Variants in TENM4 observed in about 807,000 individuals in gnomAD.
TENM4 encodes the protein teneurin-4.
In TENM4, 82 loss-of-function variants were observed where a neutral mutation model predicts 243.3. The observed-to-expected ratio is 0.34, with a 90% CI of 0.28 to 0.40. TENM4 has a LOEUF of 0.40. TENM4 is among the 10% of genes least tolerant of loss of function. TENM4 has a pLI of 1.00. For synonymous variants in TENM4, 1,412 were observed against 1,456.3 expected, an observed-to-expected ratio of 0.97 and a Z score of 0.69; for missense variants, 3,138 against 3,673.3, an observed-to-expected ratio of 0.85 and a Z score of 3.77.
In TENM4 at chr11:78,863,132, G is replaced by C. The variant is rs775673267; in HGVS notation, c.1085C>G (p.Ala362Gly). ...CCAGTTTAGGCCAAACAGGTGCATG[G>C]CTGTGGTGAGCAATGAGAAAAGTCA... ...TLVILLAYFV[A>G]MHLFGLNWHL... The change falls in exon 10 of 34, where the codon GCC becomes GGC. Residue 362 changes from alanine to glycine, a missense_variant and splice_region_variant. Transcript: ENST00000278550. 16 of 1,493,690 alleles carry C rather than the reference G, an allele frequency of 1.1e-5. No individual in the cohort carries two copies. The highest frequency in any genetic ancestry group is 1.4e-5 in the Non-Finnish European group (16 of 1,106,234). 92.5% of individuals were successfully genotyped at this position (1,493,690 alleles called of 1,614,324 possible). A position where few individuals can be genotyped will look rare whatever the true frequency, so the allele number is the denominator to read the frequency against.
intron 4 of TENM4, among the ~76,000 whole-genome samples, chr11:79,104,741 A>G (rs1269317995): frequency 6.6e-6 from 1 of 152,224 alleles, no homozygotes; most frequent in Non-Finnish European, 1.5e-5. Flanking sequence ...GTCAAAGAGT[A>G]TGTGATATTA....
chr11:79,037,938 C>T lies in TENM4; in HGVS notation c.493+26800G>A, dbSNP rs564416287. On this transcript the variant is annotated intron_variant, in intron 6 of 33. Coordinates refer to ENST00000278550, the MANE Select transcript of TENM4 (RefSeq NM_001098816.3). ...TCCTATTGTGGAACAGAGAGAAGGG[C>T]TTGCACTCAGAACCAATGCTTGACA... Among the ~76,000 whole-genome samples the T allele has an allele frequency of 3.3e-5, 5 of 152,272 alleles. No individual in the cohort carries two copies. In the East Asian group the frequency reaches 9.7e-4, roughly 29 times the overall value.
chr11:78,895,672 C>T (rs1043945226), intron 7 of TENM4, among the ~76,000 whole-genome samples: 17 of 152,216 alleles, frequency 1.1e-4, no homozygotes, highest in Non-Finnish European at 2.4e-4. Context: ...CACGCAGGGT[C>T]TCCTGCTCAC....
intron 6 of TENM4, among the ~76,000 whole-genome samples, chr11:78,939,204 C>T (rs542189062): frequency 1.3e-5 from 2 of 152,294 alleles, no homozygotes; most frequent in East Asian, 1.9e-4. Flanking sequence ...CTCAGTCTCC[C>T]GAGGAACACT....
At chr11:79,233,608 C>T (rs986567209) in intron 2 of TENM4, among the ~76,000 whole-genome samples, 12 of 151,962 alleles carry the variant, frequency 7.9e-5, no homozygotes, top group South Asian at 2.1e-4. Context: ...CAGGGAGACA[C>T]GGACCCAGGT....
intron 2 of TENM4, among the ~76,000 whole-genome samples, chr11:79,246,501 A>G (rs1348790269): frequency 6.6e-6 from 1 of 152,228 alleles, no homozygotes; most frequent in African/African-American, 2.4e-5. Flanking sequence ...CATCATTTGT[A>G]ACAGTCAAAC....
chr11:79,328,321 T>C (rs1269824858), intron 1 of TENM4, among the ~76,000 whole-genome samples: 1 of 152,162 alleles, frequency 6.6e-6, no homozygotes, highest in East Asian at 1.9e-4. Context: ...CTCCAACCCA[T>C]GTTTTTGGGT....
At chr11:79,029,155 C>T (rs1191107916) in intron 6 of TENM4, among the ~76,000 whole-genome samples, 2 of 152,222 alleles carry the variant, frequency 1.3e-5, no homozygotes, top group Admixed American at 1.3e-4. Context: ...AGAATACTCT[C>T]ATCGCAGTTT....
chr11:78,715,866 G>C (rs766712557), intron 25 of TENM4, among the ~76,000 whole-genome samples: 2 of 152,160 alleles, frequency 1.3e-5, no homozygotes, highest in Admixed American at 6.5e-5. Context: ...AGCTGCAGCT[G>C]CATCTATGAT....
chr11:79,225,383 T>A (rs1233508475), intron 2 of TENM4, among the ~76,000 whole-genome samples: 1 of 152,192 alleles, frequency 6.6e-6, no homozygotes, highest in Non-Finnish European at 1.5e-5. Context: ...GGAGGGTTCA[T>A]CTGCTTCTTG....
In TENM4 at chr11:78,745,853, T is replaced by A. The variant is rs568795776; in HGVS notation, c.2757-7283A>T. On this transcript the variant is annotated intron_variant, in intron 19 of 33. Transcript: ENST00000278550. ...ATTATACCCCAAAGCCAACTTCTCA[T>A]TGTGCTTCAATCTTTATAACTTATT... 2.0e-5 allele frequency among the ~76,000 whole-genome samples: 3 copies of A among 152,346 alleles called. No homozygotes were observed. The East Asian group carries it at 5.8e-4, about 29-fold the overall frequency.
chr11:79,337,680 C>A (rs1857169806), intron 1 of TENM4, among the ~76,000 whole-genome samples: 1 of 152,166 alleles, frequency 6.6e-6, no homozygotes, highest in Admixed American at 6.5e-5. Flanking sequence ...CACATGGACT[C>A]CCTGGTTTCT....
At chr11:79,034,556 G>T (rs1859327783) in intron 6 of TENM4, among the ~76,000 whole-genome samples, 1 of 152,222 alleles carries the variant, frequency 6.6e-6, no homozygotes, top group East Asian at 1.9e-4. Flanking sequence ...AAACCACCAT[G>T]TAGAAAATAT....
chr11:79,112,650 C>T (rs1487334997), intron 4 of TENM4, among the ~76,000 whole-genome samples: 1 of 152,152 alleles, frequency 6.6e-6, no homozygotes, highest in Non-Finnish European at 1.5e-5. Flanking sequence ...AAGTCCTTTA[C>T]AGCACGAACA....
At chr11:78,842,957 T>C (rs774892093) in intron 12 of TENM4, among the ~76,000 whole-genome samples, 5 of 152,118 alleles carry the variant, frequency 3.3e-5, no homozygotes, top group Non-Finnish European at 5.9e-5. Context: ...GAGGGTCACT[T>C]GAGGCCAGGA....
chr11:79,300,182 T>G (rs1345104449), intron 1 of TENM4, among the ~76,000 whole-genome samples: 1 of 152,230 alleles, frequency 6.6e-6, no homozygotes, highest in African/African-American at 2.4e-5. Context: ...GACTATTCAC[T>G]AAATACAATA....
chr11:78,727,506 T>A (rs575225727), intron 22 of TENM4, among the ~76,000 whole-genome samples: 1 of 152,254 alleles, frequency 6.6e-6, no homozygotes, highest in Non-Finnish European at 1.5e-5. Flanking sequence ...CACATATGAC[T>A]TTTTTCTATT....
chr11:78,905,489 G>GTAATAATAATAA (rs1856041477), intron 6 of TENM4, among the ~76,000 whole-genome samples: 2 of 152,122 alleles, frequency 1.3e-5, no homozygotes, highest in Non-Finnish European at 2.9e-5. Flanking sequence ...TCGGCATAAA[G>GTAATAATAATAA]CCCACACCTG....
chr11:79,404,921 C>T (rs1858536089), intron 1 of TENM4, among the ~76,000 whole-genome samples: 1 of 152,116 alleles, frequency 6.6e-6, no homozygotes, highest in Admixed American at 6.5e-5. Context: ...CCAGATGAAG[C>T]TTGTCCTCTT....
Sources: gnomAD v4.1 joint callset for allele counts (sites outside exome capture counted in the v4.1 genomes callset) on GRCh38, gnomAD v4.1.1 for gene constraint, MANE v1.5 for transcripts, NCBI Gene and HGNC (gene_info 2026-07-23, HGNC 2026-07-21) for gene names.